LMX1A: variants seen among roughly 807,000 people sequenced by gnomAD.
LMX1A encodes the protein LIM homeobox transcription factor 1-alpha.
LMX1A carries 15 observed loss-of-function variants against 49.1 expected under a neutral mutation model. The observed-to-expected ratio is 0.31, with a 90% CI of 0.20 to 0.47. The LOEUF (loss-of-function observed/expected upper bound fraction) is 0.47. Among genes scored for constraint, LMX1A ranks in the 20% least tolerant of loss-of-function variants. The probability of loss-of-function intolerance (pLI) is 1.00; values close to 1 mark genes in which losing one functional copy is unlikely to be tolerated. For missense variants in LMX1A, 372 were observed against 475.8 expected (o/e 0.78, Z 2.03); for synonymous variants, 167 against 185.7 (o/e 0.90, Z 0.82).
intron 3 of LMX1A, among the ~76,000 whole-genome samples, chr1:165,345,128 G>A (rs1435982555): frequency 6.6e-6 from 1 of 152,212 alleles, no homozygotes; most frequent in African/African-American, 2.4e-5. Context: ...GTATTTAAAG[G>A]AACTTTAATG....
chr1:165,331,456 T>C (rs571131606), intron 3 of LMX1A, among the ~76,000 whole-genome samples: 3 of 152,328 alleles, frequency 2.0e-5, no homozygotes, highest in African/African-American at 7.2e-5. Context: ...TTCATTTAAA[T>C]TTAAATGAGC....
rs190630953 is a variant in LMX1A, at chr1:165,304,735, C to T, written c.263+48341G>A. The stretch of plus-strand genomic sequence containing the variant: ...CTTCCCTGCCTCATCACCTGCTAGT[C>T]CCTGTCTGGACCTTCATAATCTAGC... On this transcript the variant is annotated intron_variant, in intron 3 of 8. Transcript: ENST00000342310. 1.0e-3 allele frequency among the ~76,000 whole-genome samples: 157 copies of T among 152,290 alleles called. 4 individuals carry two copies. The South Asian group carries it at 0.03, about 29-fold the overall frequency.
At chr1:165,318,860 C>T (rs2101741378) in intron 3 of LMX1A, among the ~76,000 whole-genome samples, 1 of 152,184 alleles carries the variant, frequency 6.6e-6, no homozygotes, top group Admixed American at 6.5e-5. Flanking sequence ...AGCCACCATA[C>T]CATCTCTGTA....
At chr1:165,328,093 T>C (rs1011136000) in intron 3 of LMX1A, among the ~76,000 whole-genome samples, 8 of 152,360 alleles carry the variant, frequency 5.3e-5, no homozygotes, top group Non-Finnish European at 1.0e-4. Flanking sequence ...GGAGAGCATA[T>C]GGCACAAGCC....
intron 3 of LMX1A, among the ~76,000 whole-genome samples, chr1:165,329,231 C>T (rs1655671007): frequency 6.6e-6 from 1 of 152,192 alleles, no homozygotes; most frequent in Admixed American, 6.5e-5. Context: ...AACTCACTCA[C>T]TATCATGAGA....
intron 3 of LMX1A, among the ~76,000 whole-genome samples, chr1:165,292,419 T>C (rs1371327029): frequency 6.6e-6 from 1 of 152,098 alleles, no homozygotes; most frequent in Non-Finnish European, 1.5e-5. Context: ...TAGAAGGAGT[T>C]GTTATGTATC....
chr1:165,271,812 T>G (rs1653802664), intron 3 of LMX1A, among the ~76,000 whole-genome samples: 1 of 137,838 alleles, frequency 7.3e-6, no homozygotes. Context: ...GGATTTAGGT[T>G]GGTGGACAGG....
intron 3 of LMX1A, among the ~76,000 whole-genome samples, chr1:165,293,236 G>A (rs930484181): frequency 6.6e-6 from 1 of 152,134 alleles, no homozygotes; most frequent in Non-Finnish European, 1.5e-5. Flanking sequence ...AGTTCACTGA[G>A]TGTTCCTTCA....
chr1:165,205,818 C>A (rs759959146), intron 8 of LMX1A, 46 bp downstream of exon 8: 114 of 1,584,570 alleles, frequency 7.2e-5, no homozygotes, highest in Admixed American at 1.2e-4. Flanking sequence ...GAATGAGAAA[C>A]CCACACAAGT....
At chr1:165,332,272 C>CTGTATCAATACAGTCAGA (rs1439985822) in intron 3 of LMX1A, among the ~76,000 whole-genome samples, 1 of 151,996 alleles carries the variant, frequency 6.6e-6, no homozygotes, top group Admixed American at 6.6e-5. Context: ...AAATGGTAGA[C>CTGTATCAATACAGTCAGA]CTGGCTCTGA....
intron 6 of LMX1A, among the ~76,000 whole-genome samples, chr1:165,209,610 T>C (rs1410041687): frequency 2.0e-5 from 3 of 152,198 alleles, no homozygotes; most frequent in Non-Finnish European, 2.9e-5. Context: ...GACAGCTGAA[T>C]ACATGGAATT....
In LMX1A at chr1:165,308,948, T is replaced by G. The variant is rs1340422940; in HGVS notation, c.263+44128A>C. ...GGTTATTGGTCCTTCCCCCTCTGTT[T>G]TGTTGACCTGAATATTATTATAGAT... On this transcript the variant is annotated intron_variant, in intron 3 of 8. Coordinates refer to ENST00000342310, the MANE Select transcript of LMX1A (RefSeq NM_177398.4). Among the ~76,000 whole-genome samples the G allele has an allele frequency of 5.3e-5, 8 of 152,070 alleles. No homozygotes were observed. In the East Asian group the frequency reaches 1.5e-3, roughly 29 times the overall value.
At chr1:165,207,405 C>G (rs1007782076) in intron 7 of LMX1A, 1 of 152,110 alleles carries the variant, frequency 6.6e-6, no homozygotes, top group Non-Finnish European at 1.5e-5. Context: ...TTTTCAAAAG[C>G]ACATCTGGGT....
chr1:165,229,939 A>T (rs1245025911), intron 4 of LMX1A, among the ~76,000 whole-genome samples: 1 of 152,212 alleles, frequency 6.6e-6, no homozygotes, highest in African/African-American at 2.4e-5. Context: ...ATAGGTTGAA[A>T]TCCTAAGCTC....
At chr1:165,224,115 C>T (rs1651951777) in intron 4 of LMX1A, among the ~76,000 whole-genome samples, 1 of 152,282 alleles carries the variant, frequency 6.6e-6, no homozygotes, top group Admixed American at 6.5e-5. Context: ...AGTGAGTCCT[C>T]ATGAGATCAG....
At chr1:165,232,807 G>A (rs1652281066) in intron 4 of LMX1A, among the ~76,000 whole-genome samples, 1 of 152,144 alleles carries the variant, frequency 6.6e-6, no homozygotes, top group Non-Finnish European at 1.5e-5. Flanking sequence ...CCAGCTGTTA[G>A]ATTAGGAAAA....
At chr1:165,327,442 A>C (rs1655622437) in intron 3 of LMX1A, among the ~76,000 whole-genome samples, 1 of 152,230 alleles carries the variant, frequency 6.6e-6, no homozygotes. Flanking sequence ...AGAAAGAGCT[A>C]CTGAAGATGG....
intron 3 of LMX1A, among the ~76,000 whole-genome samples, chr1:165,322,946 C>T (rs1333267209): frequency 6.6e-6 from 1 of 152,088 alleles, no homozygotes; most frequent in Non-Finnish European, 1.5e-5. Flanking sequence ...TAATTCAGTA[C>T]ACCAGTGCTG....
At chr1:165,206,536 C>A (rs1162043705) in intron 7 of LMX1A, among the ~76,000 whole-genome samples, 1 of 152,234 alleles carries the variant, frequency 6.6e-6, no homozygotes, top group East Asian at 1.9e-4. Flanking sequence ...CTATTTCCCA[C>A]CAGCCTCTGC....
Sources: gnomAD v4.1 joint callset for allele counts (sites outside exome capture counted in the v4.1 genomes callset) on GRCh38, gnomAD v4.1.1 for gene constraint, MANE v1.5 for transcripts, NCBI Gene and HGNC (gene_info 2026-07-23, HGNC 2026-07-21) for gene names.